DNAAF19: variants seen among roughly 807,000 people sequenced by gnomAD.
The protein encoded by DNAAF19 is dynein axonemal assembly factor 19.
the DNAAF19 span, chr17:44,903,922 C>T: frequency 1.3e-6 from 2 of 1,550,632 alleles, no homozygotes; most frequent in Non-Finnish European, 8.7e-7. Flanking sequence ...AGAGGACCCC[C>T]TGCCCTGCTT....
At chr17:44,901,559 G>C in the DNAAF19 span, 1 of 1,614,022 alleles carries the variant, frequency 6.2e-7, no homozygotes, top group Admixed American at 1.7e-5. Context: ...CACTGGAGCG[G>C]AAGGATAAGA....
chr17:44,904,236 A>G, the DNAAF19 span: 1 of 1,550,578 alleles, frequency 6.4e-7, no homozygotes, highest in Middle Eastern at 1.7e-4. Flanking sequence ...TTTTACGCCT[A>G]CGATGTGGAC....
At chr17:44,902,098 G>A in the DNAAF19 span, among the ~76,000 whole-genome samples, 3 of 152,154 alleles carry the variant, frequency 2.0e-5, no homozygotes, top group Admixed American at 6.5e-5. Flanking sequence ...TACTCTTGAA[G>A]ACCAGAGCTA....
chr17:44,903,202 C>G, the DNAAF19 span: 3 of 1,264,124 alleles, frequency 2.4e-6, no homozygotes, highest in African/African-American at 4.6e-5. Context: ...AAACACTGAT[C>G]TCCACAGCTC....
chr17:44,903,980 C>T, the DNAAF19 span: 2 of 1,550,646 alleles, frequency 1.3e-6, no homozygotes, highest in Non-Finnish European at 1.7e-6. Context: ...GAGCTTTGAG[C>T]TTCCCTGTCA....
the DNAAF19 span, chr17:44,902,315 C>A: frequency 6.2e-7 from 1 of 1,612,902 alleles, no homozygotes; most frequent in Non-Finnish European, 8.5e-7. Context: ...GTCACTGTTG[C>A]AGAACAGCTG....
chr17:44,903,159 T>C, the DNAAF19 span: 4 of 1,258,818 alleles, frequency 3.2e-6, no homozygotes, highest in Non-Finnish European at 4.0e-6. Context: ...CCTCCACTCA[T>C]AAAAGGGAAA....
chr17:44,901,488 T>C, the DNAAF19 span: 1 of 1,613,508 alleles, frequency 6.2e-7, no homozygotes, highest in Non-Finnish European at 8.5e-7. Flanking sequence ...CAGCATTAAG[T>C]CCATTGCCTA....
chr17:44,903,916 G>T, the DNAAF19 span: 1 of 1,550,586 alleles, frequency 6.4e-7, no homozygotes, highest in Non-Finnish European at 8.7e-7. Flanking sequence ...TTTTTCAGAG[G>T]ACCCCCTGCC....
At chr17:44,903,241 A>G in the DNAAF19 span, 1 of 1,253,150 alleles carries the variant, frequency 8.0e-7, no homozygotes, top group South Asian at 3.8e-5. Context: ...GCCCCAAACC[A>G]ATGAATGGAC....
chr17:44,904,626 G>A, the DNAAF19 span: 29 of 1,550,418 alleles, frequency 1.9e-5, no homozygotes, highest in Admixed American at 5.9e-5. Flanking sequence ...GTGGGCAGCC[G>A]GCCCTGGGTG....
chr17:44,902,255 CAGT>C, the DNAAF19 span: 1 of 1,421,686 alleles, frequency 7.0e-7, no homozygotes. Context: ...AGTGCTCAGA[CAGT>C]AGTGAGATGA....
chr17:44,900,386 A>G, the DNAAF19 span, among the ~76,000 whole-genome samples: 145 of 152,132 alleles, frequency 9.5e-4, 1 homozygote, highest in African/African-American at 3.4e-3. Context: ...GGCATTGCCC[A>G]GGTACCTAGG....
chr17:44,903,292 G>A, the DNAAF19 span: 1 of 1,245,868 alleles, frequency 8.0e-7, no homozygotes, highest in African/African-American at 1.5e-5. Flanking sequence ...CATTTGAGGT[G>A]TTGAATTTTC....
the DNAAF19 span, chr17:44,903,301 TC>T: frequency 8.0e-7 from 1 of 1,245,078 alleles, no homozygotes; most frequent in Non-Finnish European, 1.0e-6. Flanking sequence ...TGTTGAATTT[TC>T]CCCTAGAGAC....
At chr17:44,902,654 A>C in the DNAAF19 span, 1 of 1,614,184 alleles carries the variant, frequency 6.2e-7, no homozygotes, top group Non-Finnish European at 8.5e-7. Flanking sequence ...GCAGAGAGAG[A>C]GAGCTGCAAG....
At chr17:44,902,376 C>A in the DNAAF19 span, 16 of 1,614,100 alleles carry the variant, frequency 9.9e-6, no homozygotes, top group Admixed American at 1.7e-5. Flanking sequence ...AGAAAGCCCC[C>A]CTCCAGCCCG....
the DNAAF19 span, chr17:44,904,780 C>T: frequency 6.4e-7 from 1 of 1,550,666 alleles, no homozygotes; most frequent in Non-Finnish European, 8.7e-7. Flanking sequence ...AGGGTGTCAA[C>T]AGGTCCATGA....
chr17:44,904,638 C>T, the DNAAF19 span: 2 of 1,550,530 alleles, frequency 1.3e-6, no homozygotes, highest in Admixed American at 2.0e-5. Context: ...CCCTGGGTGC[C>T]CCAGGTGCCC....
Sources: gnomAD v4.1 joint callset for allele counts (sites outside exome capture counted in the v4.1 genomes callset) on GRCh38, gnomAD v4.1.1 for gene constraint, MANE v1.5 for transcripts, NCBI Gene and HGNC (gene_info 2026-07-23, HGNC 2026-07-21) for gene names.